The following DLG2 variants were observed in gnomAD, a reference collection of about 807,000 sequenced individuals.
DLG2 encodes the protein disks large homolog 2.
DLG2 carries 45 observed loss-of-function variants against 132.5 expected under a neutral mutation model. That is an observed-to-expected ratio of 0.34 (90% CI 0.27 to 0.44). The LOEUF is 0.44. DLG2 is among the 20% of genes least tolerant of loss of function. DLG2 has a pLI of 1.00. For missense variants in DLG2, 1,045 were observed against 1,196.9 expected (o/e 0.87, Z 1.87); for synonymous variants, 424 against 419.6 (o/e 1.01, Z -0.13).
chr11:83,819,469 CAAA>C (rs398016925), intron 17 of DLG2, among the ~76,000 whole-genome samples: 4 of 28,128 alleles, frequency 1.4e-4, no homozygotes, highest in Non-Finnish European at 1.9e-4. Flanking sequence ...GACTCTATCT[CAAA>C]AAAAAAAAAA....
intron 6 of DLG2, among the ~76,000 whole-genome samples, chr11:84,653,167 T>C (rs1745434510): frequency 6.6e-6 from 1 of 152,250 alleles, no homozygotes; most frequent in African/African-American, 2.4e-5. Flanking sequence ...TGACCTCAAG[T>C]GATCTTCCTG....
At chr11:85,398,784 A>G (rs919188764) in intron 3 of DLG2, among the ~76,000 whole-genome samples, 1 of 152,190 alleles carries the variant, frequency 6.6e-6, no homozygotes, top group Non-Finnish European at 1.5e-5. Flanking sequence ...GCGATAATTA[A>G]TAGCCTACTC....
intron 3 of DLG2, among the ~76,000 whole-genome samples, chr11:85,446,905 G>A (rs1056916670): frequency 6.6e-6 from 1 of 151,804 alleles, no homozygotes; most frequent in African/African-American, 2.4e-5. Context: ...AAAAAGCTTT[G>A]TATATCAAAG....
intron 7 of DLG2, among the ~76,000 whole-genome samples, chr11:84,259,461 C>T (rs540253171): frequency 6.6e-6 from 1 of 152,228 alleles, no homozygotes; most frequent in East Asian, 1.9e-4. Context: ...ACCTGCTTTG[C>T]CCCTGCTCTA....
chr11:84,202,540 T>C (rs1445424685), intron 8 of DLG2, among the ~76,000 whole-genome samples: 1 of 152,126 alleles, frequency 6.6e-6, no homozygotes, highest in Admixed American at 6.6e-5. Context: ...GGCAATATCA[T>C]TCAGGACATA....
At chr11:84,320,682 G>C (rs187014206) in intron 7 of DLG2, among the ~76,000 whole-genome samples, 1 of 152,124 alleles carries the variant, frequency 6.6e-6, no homozygotes, top group Non-Finnish European at 1.5e-5. Context: ...AACTAATTTA[G>C]TCATAACTTT....
chr11:85,436,737 C>A (rs917541663), intron 3 of DLG2, among the ~76,000 whole-genome samples: 2 of 152,194 alleles, frequency 1.3e-5, no homozygotes, highest in Non-Finnish European at 2.9e-5. Flanking sequence ...TTGTAGAAGA[C>A]AGTGTGGTGA....
intron 6 of DLG2, among the ~76,000 whole-genome samples, chr11:84,633,675 A>C (rs989482397): frequency 6.6e-6 from 1 of 152,024 alleles, no homozygotes; most frequent in Admixed American, 6.6e-5. Context: ...ATATATTGAT[A>C]CAGAGCCTGT....
intron 6 of DLG2, among the ~76,000 whole-genome samples, chr11:84,703,857 GAT>G (rs5793132): frequency 0.025 from 2,564 of 102,548 alleles, 129 homozygotes; most frequent in African/African-American, 0.08. Context: ...ATGTAGTGAA[GAT>G]ATATATATAT....
At chr11:85,565,562 T>C (rs1301273218) in intron 3 of DLG2, among the ~76,000 whole-genome samples, 5 of 152,108 alleles carry the variant, frequency 3.3e-5, no homozygotes, top group Admixed American at 6.6e-5. Context: ...TCTGTCTCTA[T>C]AGATTTGCCT....
At position 84,445,704 on chromosome 11, in the gene DLG2, C is replaced by A. The variant is rs190667410; in HGVS notation, c.519+88866G>T. On this transcript the variant is annotated intron_variant, in intron 7 of 27. Coordinates refer to ENST00000376104, the MANE Select transcript of DLG2 (RefSeq NM_001142699.3). ...GGCCGAGGCGGGTGGATCACTAGCT[C>A]AGGAGATCGAGACCATCCTGGCTAA... Among the ~76,000 whole-genome samples, 112 of 152,000 alleles carry A rather than the reference C, an allele frequency of 7.4e-4. 1 individual carries two copies. Among genetic ancestry groups the A allele is most frequent in the African/African-American group, 2.6e-3 (106 of 41,450 alleles).
chr11:84,787,924 C>A (rs1271346957), intron 6 of DLG2, among the ~76,000 whole-genome samples: 1 of 126,250 alleles, frequency 7.9e-6, no homozygotes, highest in Non-Finnish European at 1.7e-5. Context: ...TATGGTGAAA[C>A]CCTGTCTCTA....
intron 3 of DLG2, among the ~76,000 whole-genome samples, chr11:85,369,027 C>T (rs1039121262): frequency 1.3e-5 from 2 of 152,216 alleles, no homozygotes; most frequent in African/African-American, 4.8e-5. Context: ...TGGCACCAAA[C>T]ATGGGGCTCC....
chr11:83,480,572 G>A, intron 22 of DLG2: 1 of 1,546,126 alleles, frequency 6.5e-7, no homozygotes, highest in Non-Finnish European at 8.7e-7. Flanking sequence ...AGATAAAGAA[G>A]ATGAAAACTT....
chr11:83,686,894 C>T (rs1236307913), intron 18 of DLG2, among the ~76,000 whole-genome samples: 1 of 152,108 alleles, frequency 6.6e-6, no homozygotes, highest in Non-Finnish European at 1.5e-5. Flanking sequence ...AGAATGTGAC[C>T]TTATTGGGAA....
At chr11:84,687,337 A>G (rs1347860487) in intron 6 of DLG2, 2 of 152,164 alleles carry the variant, frequency 1.3e-5, no homozygotes, top group African/African-American at 4.8e-5. Flanking sequence ...AGATGAGAAT[A>G]TGAATGAGTA....
At chr11:83,728,743 A>G (rs953880210) in intron 18 of DLG2, among the ~76,000 whole-genome samples, 1 of 152,170 alleles carries the variant, frequency 6.6e-6, no homozygotes, top group African/African-American at 2.4e-5. Context: ...TGCCAGCAAC[A>G]CTCTTGTCTT....
intron 6 of DLG2, among the ~76,000 whole-genome samples, chr11:84,832,454 T>C (rs1490478010): frequency 6.6e-6 from 1 of 151,580 alleles, no homozygotes; most frequent in Non-Finnish European, 1.5e-5. Context: ...TTCCAAAAGG[T>C]TAGTAACTTA....
intron 6 of DLG2, among the ~76,000 whole-genome samples, chr11:85,011,271 T>A (rs2059128526): frequency 6.6e-6 from 1 of 152,174 alleles, no homozygotes. Flanking sequence ...GCTTTTTCCA[T>A]AATAACAGAC....
Sources: gnomAD v4.1 joint callset for allele counts (sites outside exome capture counted in the v4.1 genomes callset) on GRCh38, gnomAD v4.1.1 for gene constraint, MANE v1.5 for transcripts, NCBI Gene and HGNC (gene_info 2026-07-23, HGNC 2026-07-21) for gene names.